SH3RF3: variants seen among roughly 807,000 people sequenced by gnomAD.
SH3RF3 encodes E3 ubiquitin-protein ligase SH3RF3.
SH3RF3 carries 29 observed loss-of-function variants against 66.3 expected under a neutral mutation model. The observed-to-expected ratio is 0.44, with a 90% CI of 0.33 to 0.60. The LOEUF (loss-of-function observed/expected upper bound fraction) is 0.60. Among genes scored for constraint, SH3RF3 ranks in the 20% least tolerant of loss-of-function variants. SH3RF3 has a pLI of 0.04. For missense variants in SH3RF3, 1,194 were observed against 1,190.9 expected (o/e 1.00, Z -0.04); for synonymous variants, 583 against 532.0 (o/e 1.10, Z -1.32).
At chr2:109,132,496 C>G (rs1676722345) in intron 1 of SH3RF3, among the ~76,000 whole-genome samples, 1 of 152,174 alleles carries the variant, frequency 6.6e-6, no homozygotes, top group African/African-American at 2.4e-5. Flanking sequence ...CTGCTCTCAC[C>G]TGAGCCATTT....
chr2:109,387,279 A>G (rs753881123), intron 3 of SH3RF3, among the ~76,000 whole-genome samples: 2 of 152,112 alleles, frequency 1.3e-5, no homozygotes, highest in Non-Finnish European at 2.9e-5. Flanking sequence ...CACCTGTGCA[A>G]CCTTTTCTCA....
At chr2:109,480,685 G>A (rs369484275) in intron 8 of SH3RF3, among the ~76,000 whole-genome samples, 14 of 152,250 alleles carry the variant, frequency 9.2e-5, no homozygotes, top group African/African-American at 3.1e-4. Context: ...GAGGGGTGGA[G>A]CACACTGGGT....
chr2:109,141,807 G>A (rs1189306727), intron 1 of SH3RF3, among the ~76,000 whole-genome samples: 1 of 152,052 alleles, frequency 6.6e-6, no homozygotes, highest in African/African-American at 2.4e-5. Flanking sequence ...TCAGGGTGAC[G>A]GTTGTGTCCA....
chr2:109,401,007 A>G (rs1676299321), intron 4 of SH3RF3, among the ~76,000 whole-genome samples: 1 of 152,124 alleles, frequency 6.6e-6, no homozygotes, highest in African/African-American at 2.4e-5. Context: ...GGGCATGGTG[A>G]CCCAGTGGCG....
At chr2:109,135,514 G>A (rs536489625) in intron 1 of SH3RF3, among the ~76,000 whole-genome samples, 4 of 152,320 alleles carry the variant, frequency 2.6e-5, no homozygotes, top group South Asian at 2.1e-4. Context: ...ATTGGCTGTC[G>A]TTTCAGTGCC....
chr2:109,436,052 A>C (rs1040943007), intron 6 of SH3RF3, among the ~76,000 whole-genome samples: 4 of 152,010 alleles, frequency 2.6e-5, no homozygotes, highest in African/African-American at 9.7e-5. Context: ...AGCCACAGGG[A>C]GATGGCTGGA....
chr2:109,230,727 T>G lies in SH3RF3; in HGVS notation c.573+100614T>G, dbSNP rs186893679. Among the ~76,000 whole-genome samples, 9 of 152,348 alleles carry G rather than the reference T, an allele frequency of 5.9e-5. No homozygotes were observed. The East Asian group carries it at 1.5e-3, about 26-fold the overall frequency. On this transcript the variant is annotated intron_variant, in intron 1 of 9. Coordinates refer to ENST00000309415, the MANE Select transcript of SH3RF3 (RefSeq NM_001099289.3). ...GCTATGTCACCAGCATTAAGTACAT[T>G]TTTTAACTTATGATATTGTTGACTT...
intron 4 of SH3RF3, among the ~76,000 whole-genome samples, chr2:109,399,552 G>A (rs1676247455): frequency 6.6e-6 from 1 of 152,046 alleles, no homozygotes. Context: ...GAGGCGGGAG[G>A]ATTGCTTGAG....
At chr2:109,439,098 T>G (rs568530807) in intron 7 of SH3RF3, among the ~76,000 whole-genome samples, 1 of 152,270 alleles carries the variant, frequency 6.6e-6, no homozygotes, top group Non-Finnish European at 1.5e-5. Context: ...AATGGAGCCC[T>G]GCCAGTCACT....
At chr2:109,426,253 C>T (rs1260159901) in intron 5 of SH3RF3, among the ~76,000 whole-genome samples, 1 of 152,208 alleles carries the variant, frequency 6.6e-6, no homozygotes, top group Non-Finnish European at 1.5e-5. Context: ...ATGGTGATTC[C>T]TCTCATGGAT....
intron 1 of SH3RF3, among the ~76,000 whole-genome samples, chr2:109,271,412 A>G (rs2105319108): frequency 6.6e-6 from 1 of 152,360 alleles, no homozygotes; most frequent in Middle Eastern, 3.4e-3. Flanking sequence ...AAAACATTTC[A>G]CATTTGGCTT....
chr2:109,188,494 G>A (rs532809736), intron 1 of SH3RF3, among the ~76,000 whole-genome samples: 6 of 152,204 alleles, frequency 3.9e-5, no homozygotes, highest in African/African-American at 4.8e-5. Flanking sequence ...TTGTCCCTGG[G>A]TTTGGCTCTT....
chr2:109,135,192 GC>G (rs1482544042), intron 1 of SH3RF3, among the ~76,000 whole-genome samples: 1 of 152,186 alleles, frequency 6.6e-6, no homozygotes, highest in Admixed American at 6.5e-5. Context: ...CGGTGACCCA[GC>G]CCCAACCCCA....
chr2:109,271,772 C>A (rs1680631609), intron 1 of SH3RF3, among the ~76,000 whole-genome samples: 1 of 152,216 alleles, frequency 6.6e-6, no homozygotes, highest in Non-Finnish European at 1.5e-5. Flanking sequence ...TTTGTGGTAT[C>A]AGTATTGAGG....
At chr2:109,302,753 C>T (rs1045860453) in intron 1 of SH3RF3, among the ~76,000 whole-genome samples, 3 of 150,940 alleles carry the variant, frequency 2.0e-5, no homozygotes, top group African/African-American at 4.9e-5. Context: ...TTTTCAGACA[C>T]GACATTTCAC....
intron 7 of SH3RF3, among the ~76,000 whole-genome samples, 174 bp from the exon 8 acceptor site, chr2:109,448,996 G>T (rs545586494): frequency 6.6e-6 from 1 of 152,174 alleles, no homozygotes; most frequent in Non-Finnish European, 1.5e-5. Flanking sequence ...GCATTTTCAG[G>T]GTTTCTTGGC....
At position 109,226,840 on chromosome 2, in the gene SH3RF3, A is replaced by G. The variant is rs78860526; in HGVS notation, c.573+96727A>G. On this transcript the variant is annotated intron_variant, in intron 1 of 9. Coordinates refer to ENST00000309415, the MANE Select transcript of SH3RF3 (RefSeq NM_001099289.3). ...GTTACAGAAATGAACCAGGACCCCT[A>G]CAGCTGCAGGAGAGAAACTAACTGG... Among the ~76,000 whole-genome samples the G allele has an allele frequency of 5.9e-5, 9 of 152,308 alleles. No individual in the cohort carries two copies. In the East Asian group the frequency reaches 1.7e-3, roughly 29 times the overall value.
intron 5 of SH3RF3, among the ~76,000 whole-genome samples, chr2:109,421,573 G>A (rs992588326): frequency 6.6e-6 from 1 of 152,174 alleles, no homozygotes; most frequent in African/African-American, 2.4e-5. Context: ...AGATGTGGAG[G>A]GACCTCTTCT....
At chr2:109,159,593 C>T (rs1277742060) in intron 1 of SH3RF3, among the ~76,000 whole-genome samples, 2 of 152,172 alleles carry the variant, frequency 1.3e-5, no homozygotes, top group African/African-American at 4.8e-5. Context: ...GTACCCAATC[C>T]CTGGGCCATG....
Sources: allele counts gnomAD v4.1 joint callset (sites outside exome capture counted in the v4.1 genomes callset), GRCh38; gene constraint gnomAD v4.1.1; transcripts MANE v1.5; gene names NCBI Gene and HGNC (gene_info 2026-07-23, HGNC 2026-07-21).